Variants in CLEC2D observed in about 807,000 individuals in gnomAD.
The protein encoded by CLEC2D is C-type lectin related f.
A neutral mutation model predicts 20.0 loss-of-function variants in CLEC2D; 16 were observed. The observed-to-expected ratio is 0.80, with a 90% confidence interval of 0.54 to 1.22. CLEC2D has a LOEUF of 1.22. CLEC2D is among the 50% of genes most tolerant of loss of function. The pLI, the probability that CLEC2D is intolerant of heterozygous loss-of-function variation, is 0.00. For synonymous variants in CLEC2D, 77 were observed against 71.1 expected, an observed-to-expected ratio of 1.08 and a Z score of -0.42; for missense variants, 207 against 221.5, an observed-to-expected ratio of 0.93 and a Z score of 0.42.
rs746576033 is a variant in CLEC2D, at chr12:9,695,915, C to T, written c.*1041C>T. Reference sequence around the variant, plus strand: ...GATGACGAGGAAGCTGAAGAAAAAGCGCCAGTGAAGAAATCTATACGAGAT... The same window carrying T: ...GATGACGAGGAAGCTGAAGAAAAAGTGCCAGTGAAGAAATCTATACGAGAT... On this transcript the variant is annotated 3_prime_UTR_variant, in exon 5 of 5. Coordinates refer to ENST00000290855, the MANE Select transcript of CLEC2D (RefSeq NM_013269.6). 2.5e-5 allele frequency: 31 copies of T among 1,228,282 alleles called. No individual in the cohort carries two copies. Among genetic ancestry groups the T allele is most frequent in the African/African-American group, 1.8e-4 (12 of 67,372 alleles). 76.1% of individuals were successfully genotyped at this position (1,228,282 alleles called of 1,614,324 possible).
intron 1 of CLEC2D, among the ~76,000 whole-genome samples, chr12:9,679,177 G>A (rs1207463925): frequency 6.6e-6 from 1 of 151,942 alleles, no homozygotes; most frequent in East Asian, 1.9e-4. Context: ...TAAATATATT[G>A]CTACTATTGT....
At position 9,690,220 on chromosome 12, in the gene CLEC2D, A is replaced by C. The variant is rs148608527; in HGVS notation, c.357+2134A>C. On this transcript the variant is annotated intron_variant, in intron 3 of 4. Coordinates refer to ENST00000290855, the MANE Select transcript of CLEC2D (RefSeq NM_013269.6). The stretch of plus-strand genomic sequence containing the variant: ...GTGGAATGGCATATTTAAATGTCTG[A>C]AAGAAAAAATAAAACTGCCAACCAT... Among the ~76,000 whole-genome samples, 108 of 152,246 alleles carry C rather than the reference A, an allele frequency of 7.1e-4. 1 individual carries two copies. The East Asian group carries it at 0.011, about 16-fold the overall frequency.
chr12:9,683,754 C>T (rs1349266903), intron 2 of CLEC2D, among the ~76,000 whole-genome samples: 2 of 152,108 alleles, frequency 1.3e-5, no homozygotes, highest in Admixed American at 6.5e-5. Flanking sequence ...GTACCAACAC[C>T]ATGCTGTTTT....
At chr12:9,686,008 C>G (rs769145836) in intron 2 of CLEC2D, among the ~76,000 whole-genome samples, 40 of 152,238 alleles carry the variant, frequency 2.6e-4, no homozygotes, top group African/African-American at 9.4e-4. Flanking sequence ...ATCTCCTGGT[C>G]TGTGGGTTGC....
chr12:9,683,371 G>T (rs1865685874), intron 2 of CLEC2D, among the ~76,000 whole-genome samples: 1 of 101,410 alleles, frequency 9.9e-6, no homozygotes, highest in East Asian at 3.1e-4. Flanking sequence ...AAGCTCTTTA[G>T]TTAAATTAGA....
Position 9,692,842 on chromosome 12 carries a change from A to T in CLEC2D, c.372A>T (p.Arg124Ser), listed in dbSNP as rs747499193. 1 of 1,609,560 alleles carries T rather than the reference A, an allele frequency of 6.2e-7. No individual in the cohort carries two copies. ...ESFQELNFLL[R>S]YKGPSDHWIG... ...TTTTCTGAAAGAATTTCCTGTTGAG[A>T]TATAAAGGCCCATCTGATCACTGGA... Residue 124 changes from arginine (R) to serine (S), a missense_variant, in exon 4 of 5, where the codon AGA becomes AGT. Arg to Ser is a moderately radical substitution (Grantham distance 110). Coordinates refer to ENST00000290855, the MANE Select transcript of CLEC2D (RefSeq NM_013269.6).
chr12:9,695,215 C>A lies in CLEC2D; in HGVS notation c.*341C>A. 1 of 605,662 alleles carries A rather than the reference C, an allele frequency of 1.7e-6. No homozygotes were observed. The highest frequency in any genetic ancestry group is 2.9e-6 in the Non-Finnish European group (1 of 339,186). 37.5% of individuals were successfully genotyped at this position (605,662 alleles called of 1,614,324 possible). A position where few individuals can be genotyped will look rare whatever the true frequency, so the allele number is the denominator to read the frequency against. ...AAGTCATGTCTTATGTGGTGGCAGG[C>A]AGGGGGACTTGTGCACAGGAACTCC... is the stretch of plus-strand genomic sequence containing the variant. On this transcript the variant is annotated 3_prime_UTR_variant, in exon 5 of 5. Transcript: ENST00000290855.
At position 9,683,330 on chromosome 12, in the gene CLEC2D, TG is replaced by T. The variant is rs1565467290; in HGVS notation, c.172+2298del. Among the ~76,000 whole-genome samples the T allele has an allele frequency of 3.2e-3, 52 of 16,296 alleles. 5 individuals are homozygous for T. Among genetic ancestry groups the T allele is most frequent in the South Asian group, 3.7e-3 (1 of 272 alleles). 10.7% of individuals were successfully genotyped at this position (16,296 alleles called of 152,430 possible). A position where few individuals can be genotyped will look rare whatever the true frequency, so the allele number is the denominator to read the frequency against. ...CACTCTGATGATAGTTTGTTTTTTG[TG>T]TTTGTTTTTTTTTTTTTTTTTTTGT... On this transcript the variant is annotated intron_variant, in intron 2 of 4. Coordinates refer to ENST00000290855, the MANE Select transcript of CLEC2D (RefSeq NM_013269.6).
chr12:9,676,707 T>A (rs930648398), intron 1 of CLEC2D, among the ~76,000 whole-genome samples: 14 of 152,180 alleles, frequency 9.2e-5, no homozygotes, highest in Admixed American at 7.9e-4. Context: ...AGAAGTATTC[T>A]CTCGGCTCTA....
At chr12:9,693,141 G>A (rs779191942) in intron 4 of CLEC2D, 8 of 1,523,412 alleles carry the variant, frequency 5.3e-6, no homozygotes, top group Non-Finnish European at 7.3e-6. Flanking sequence ...TGTGAACTTG[G>A]CTCCAGGCTT....
At chr12:9,682,666 G>A (rs1865659967) in intron 2 of CLEC2D, among the ~76,000 whole-genome samples, 1 of 152,116 alleles carries the variant, frequency 6.6e-6, no homozygotes, top group Admixed American at 6.5e-5. Flanking sequence ...ATGGTTTCCA[G>A]TTTCATTTGT....
chr12:9,671,574 A>G (rs1248386634), intron 1 of CLEC2D, among the ~76,000 whole-genome samples: 1 of 152,174 alleles, frequency 6.6e-6, no homozygotes, highest in Non-Finnish European at 1.5e-5. Flanking sequence ...AGTTTCCCCT[A>G]CCATCATCAG....
In CLEC2D at chr12:9,695,897, A is replaced by AG; in HGVS notation, c.*1025dup. On this transcript the variant is annotated 3_prime_UTR_variant, in exon 5 of 5. Coordinates refer to ENST00000290855, the MANE Select transcript of CLEC2D (RefSeq NM_013269.6). The stretch of plus-strand genomic sequence containing the variant: ...GAAGATGATGATGATGATGATGACG[A>AG]GGAAGCTGAAGAAAAAGCGCCAGTG... 4 of 1,123,176 alleles carry AG rather than the reference A, an allele frequency of 3.6e-6. No homozygotes were observed. Among genetic ancestry groups the AG allele is most frequent in the Non-Finnish European group, 5.4e-6 (4 of 746,630 alleles). The allele number at this position is 1,123,176 out of a possible 1,614,324, so 69.6% of individuals were successfully genotyped here. A position where few individuals can be genotyped will look rare whatever the true frequency, so the allele number is the denominator to read the frequency against.
At chr12:9,692,736 T>C (rs2120978568) in intron 3 of CLEC2D, 92 bp from the exon 4 acceptor site, 1 of 750,122 alleles carries the variant, frequency 1.3e-6, no homozygotes, top group Non-Finnish European at 2.2e-6. Context: ...AAGAAAATTA[T>C]GAGTAGTTAA....
chr12:9,697,729 A>C lies in CLEC2D; in HGVS notation c.*2855A>C, dbSNP rs201800241. The C allele has an allele frequency of 6.8e-5, 10 of 146,300 alleles. No individual in the cohort carries two copies. Among genetic ancestry groups the C allele is most frequent in the Non-Finnish European group, 9.1e-5 (6 of 65,896 alleles). The allele number at this position is 146,300 out of a possible 1,614,324, so 9.1% of individuals were successfully genotyped here. On this transcript the variant is annotated 3_prime_UTR_variant, in exon 5 of 5. Transcript: ENST00000290855. ...ACTTATAGTGAAACTTAAAAAAAAA[A>C]CCCAAATACATAGAAATAGAGTAGA...
chr12:9,685,469 A>C (rs924413690), intron 2 of CLEC2D, among the ~76,000 whole-genome samples: 8 of 152,228 alleles, frequency 5.3e-5, no homozygotes, highest in Admixed American at 3.3e-4. Context: ...GCTCTGTCCC[A>C]GGGAGATAAG....
intron 2 of CLEC2D, among the ~76,000 whole-genome samples, chr12:9,684,282 G>A (rs1046095383): frequency 6.6e-6 from 1 of 152,174 alleles, no homozygotes; most frequent in Admixed American, 6.5e-5. Context: ...AAGGGGATGA[G>A]ACAATGGGGT....
intron 2 of CLEC2D, among the ~76,000 whole-genome samples, 158 bp from the exon 3 acceptor site, chr12:9,687,744 G>C (rs141598043): frequency 2.6e-5 from 4 of 151,982 alleles, no homozygotes; most frequent in African/African-American, 9.7e-5. Flanking sequence ...TGTAATGTAT[G>C]CAATTATATT....
At chr12:9,689,019 T>A (rs1865811673) in intron 3 of CLEC2D, among the ~76,000 whole-genome samples, 1 of 152,212 alleles carries the variant, frequency 6.6e-6, no homozygotes, top group South Asian at 2.1e-4. Flanking sequence ...CCCATGTTCT[T>A]GTAATGAATT....
Sources: allele counts gnomAD v4.1 joint callset (sites outside exome capture counted in the v4.1 genomes callset), GRCh38; gene constraint gnomAD v4.1.1; transcripts MANE v1.5; gene names NCBI Gene and HGNC (gene_info 2026-07-23, HGNC 2026-07-21).